KRT7: variants seen among roughly 807,000 people sequenced by gnomAD.
KRT7 encodes the protein keratin 7, also known as keratin, type II cytoskeletal 7.
KRT7 carries 50 observed loss-of-function variants against 42.8 expected under a neutral mutation model. That is an observed-to-expected ratio of 1.17 (90% CI 0.93 to 1.48). The LOEUF (loss-of-function observed/expected upper bound fraction) is 1.48, where lower values mean the gene tolerates loss of function less well. Ranked by LOEUF, KRT7 falls within the 40% of genes most tolerant of loss-of-function variation. The probability of loss-of-function intolerance (pLI) is 0.00; values close to 1 mark genes in which losing one functional copy is unlikely to be tolerated. For synonymous variants in KRT7, 268 were observed against 266.3 expected, an observed-to-expected ratio of 1.01 and a Z score of -0.06; for missense variants, 588 against 637.6, an observed-to-expected ratio of 0.92 and a Z score of 0.84.
In KRT7 at chr12:52,245,369, C is replaced by T. The variant is rs200931504; in HGVS notation, c.985-43C>T. The T allele has an allele frequency of 1.2e-5, 19 of 1,598,810 alleles. No individual in the cohort carries two copies. The East Asian group carries it at 4.3e-4, about 36-fold the overall frequency. On this transcript the variant is annotated intron_variant, in intron 6 of 8. Coordinates refer to ENST00000331817, the MANE Select transcript of KRT7 (RefSeq NM_005556.4). Reference sequence around the variant, plus strand: ...ACTGCAGGATGGGCAGGCAGGAAGGCAGACTGGTGAGCCCCAGCTTACAGC... The same window carrying T: ...ACTGCAGGATGGGCAGGCAGGAAGGTAGACTGGTGAGCCCCAGCTTACAGC...
chr12:52,242,873 C>A, intron 5 of KRT7, 139 bp from the exon 6 acceptor site: 1 of 939,296 alleles, frequency 1.1e-6, no homozygotes, highest in Non-Finnish European at 1.5e-6. Flanking sequence ...GGTCTCCTGG[C>A]ATCGGGCAAA....
At position 52,243,044 on chromosome 12, in the gene KRT7, T is replaced by C. The variant is rs1398778446; in HGVS notation, c.891T>C (p.His297=). The C allele has an allele frequency of 7.4e-6, 12 of 1,613,528 alleles. No individual in the cohort carries two copies. The highest frequency in any genetic ancestry group is 4.0e-5 in the African/African-American group (3 of 74,822). ...CCCTCCAGGCCCAGGCTGGGAAGCATGGGGACGACCTCCGGAATACCCGGA... is the reference window on the plus strand; with the variant it reads ...CCCTCCAGGCCCAGGCTGGGAAGCACGGGGACGACCTCCGGAATACCCGGA... The part of the protein sequence containing the change: ...FETLQAQAGK[H]GDDLRNTRNE... Residue 297 remains histidine (H), a synonymous_variant, in exon 6 of 9, where the codon CAT becomes CAC. Coordinates refer to ENST00000331817, the MANE Select transcript of KRT7 (RefSeq NM_005556.4).
At chr12:52,241,093 A>G (rs1405459559) in intron 4 of KRT7, among the ~76,000 whole-genome samples, 2 of 152,076 alleles carry the variant, frequency 1.3e-5, no homozygotes, top group East Asian at 1.9e-4. Context: ...TCATCGGTGT[A>G]CAGACTGCAG....
chr12:52,253,632 C>A, downstream of KRT7: 1 of 1,555,506 alleles, frequency 6.4e-7, no homozygotes, highest in South Asian at 1.1e-5. Flanking sequence ...GGCCTCGGCC[C>A]GGCTGCGGGT....
chr12:52,250,588 A>G, downstream of KRT7: 1 of 1,267,474 alleles, frequency 7.9e-7, no homozygotes, highest in Non-Finnish European at 1.1e-6. Context: ...ACCGGCCGGG[A>G]GCCCGACACG....
intron 6 of KRT7, chr12:52,243,690 T>G (rs552370752): frequency 6.6e-6 from 1 of 152,522 alleles, no homozygotes; most frequent in Non-Finnish European, 1.5e-5. Flanking sequence ...TGTCCATGGT[T>G]GTTGTTTTCT....
chr12:52,244,148 G>A lies in KRT7; in HGVS notation c.984+1011G>A, dbSNP rs543744921. ...CTGATTTCCAGATGAGCTGTGGGTG[G>A]TGGGGGGATGTGAGGGTGATTTACC... On this transcript the variant is annotated intron_variant, in intron 6 of 8. Coordinates refer to ENST00000331817, the MANE Select transcript of KRT7 (RefSeq NM_005556.4). Among the ~76,000 whole-genome samples the A allele has an allele frequency of 1.4e-3, 210 of 152,356 alleles. 1 individual carries two copies. The highest frequency in any genetic ancestry group is 4.8e-3 in the African/African-American group (198 of 41,586).
At chr12:52,246,839 A>G (rs568777701) in intron 7 of KRT7, among the ~76,000 whole-genome samples, 227 of 152,242 alleles carry the variant, frequency 1.5e-3, no homozygotes, top group Non-Finnish European at 2.3e-3. Flanking sequence ...TTCTGTTGTC[A>G]TAGAAGTCAG....
At chr12:52,238,936 C>G (rs1420713970) in intron 4 of KRT7, among the ~76,000 whole-genome samples, 161 bp downstream of exon 4, 2 of 152,238 alleles carry the variant, frequency 1.3e-5, no homozygotes, top group Non-Finnish European at 2.9e-5. Context: ...ACCTGGAGAA[C>G]AGCGAAAGTG....
intron 4 of KRT7, among the ~76,000 whole-genome samples, chr12:52,240,815 G>T (rs960993645): frequency 1.3e-5 from 2 of 151,928 alleles, no homozygotes; most frequent in Non-Finnish European, 2.9e-5. Flanking sequence ...GGGTACATGT[G>T]CACAACGTGC....
chr12:52,254,254 T>C (rs1942308354), downstream of KRT7: 1 of 835,024 alleles, frequency 1.2e-6, no homozygotes, highest in South Asian at 1.3e-5. Flanking sequence ...GCCCCGCTGC[T>C]TTGTGACCCC....
chr12:52,240,939 G>T (rs1332302886), intron 4 of KRT7, among the ~76,000 whole-genome samples: 2 of 36,958 alleles, frequency 5.4e-5, no homozygotes, highest in Non-Finnish European at 1.2e-4. Flanking sequence ...CCACGCCCCC[G>T]ACAGGCCCCG....
Position 52,245,505 on chromosome 12 carries a change from G to T in KRT7, c.1078G>T (p.Ala360Ser). The change falls in exon 7 of 9, where the codon GCC becomes TCC. Residue 360 changes from alanine (A) to serine (S), a missense_variant. Coordinates refer to ENST00000331817, the MANE Select transcript of KRT7 (RefSeq NM_005556.4). ...TGCCAAGCAGGAGGAGCTGGAAGCC[G>T]CCCTGCAGCGGGGCAAGCAGGATAT... The part of the protein sequence containing the change: ...ARAKQEELEA[A>S]LQRGKQDMAR... 5 of 1,614,022 alleles carry T rather than the reference G, an allele frequency of 3.1e-6. No individual in the cohort carries two copies. Among genetic ancestry groups the T allele is most frequent in the South Asian group, 1.1e-5 (1 of 91,078 alleles).
chr12:52,248,483 G>C (rs1485159171), intron 8 of KRT7, 108 bp from the exon 9 acceptor site: 1 of 1,213,738 alleles, frequency 8.2e-7, no homozygotes, highest in East Asian at 2.4e-5. Context: ...AGGGGGGCAG[G>C]GGTGAGGGAG....
chr12:52,241,776 A>T (rs999666), intron 5 of KRT7, 140 bp downstream of exon 5: 325,856 of 646,374 alleles, frequency 0.5, 84,510 homozygotes, highest in Non-Finnish European at 0.53. Flanking sequence ...TGTGGTGCTC[A>T]GCCCTGGAGA....
intron 4 of KRT7, among the ~76,000 whole-genome samples, chr12:52,240,212 G>A (rs1942067852): frequency 6.6e-6 from 1 of 152,128 alleles, no homozygotes. Flanking sequence ...TCTTTTCATG[G>A]TGAAAGTTTA....
intron 4 of KRT7, among the ~76,000 whole-genome samples, chr12:52,239,071 T>C (rs1043772702): frequency 6.6e-6 from 1 of 152,188 alleles, no homozygotes; most frequent in Admixed American, 6.5e-5. Flanking sequence ...CTGAGTACTA[T>C]GGGGTCACGA....
chr12:52,244,661 T>G (rs1045051889), intron 6 of KRT7: 2 of 985,024 alleles, frequency 2.0e-6, no homozygotes, highest in Non-Finnish European at 2.4e-6. Context: ...GGTGGTTTTC[T>G]GAGCTAAACA....
At chr12:52,242,882 A>C in intron 5 of KRT7, 130 bp from the exon 6 acceptor site, 1 of 1,064,934 alleles carries the variant, frequency 9.4e-7, no homozygotes, top group Middle Eastern at 2.5e-4. Flanking sequence ...GCATCGGGCA[A>C]AGGTTGATGG....
Sources: gnomAD v4.1 joint callset for allele counts (sites outside exome capture counted in the v4.1 genomes callset) on GRCh38, gnomAD v4.1.1 for gene constraint, MANE v1.5 for transcripts, NCBI Gene and HGNC (gene_info 2026-07-23, HGNC 2026-07-21) for gene names.